The following SHOC1 variants were observed in gnomAD, a reference collection of about 807,000 sequenced individuals.
SHOC1 encodes shortage in chiasmata 1.
A neutral mutation model predicts 179.2 loss-of-function variants in SHOC1; 136 were observed. The ratio of observed to expected loss-of-function variants is 0.76; its 90% confidence interval spans 0.66 to 0.87. SHOC1 has a LOEUF of 0.87. Among genes scored for constraint, SHOC1 ranks in the 40% least tolerant of loss-of-function variants. The probability of loss-of-function intolerance (pLI) is 0.00; values close to 1 mark genes in which losing one functional copy is unlikely to be tolerated. For missense variants in SHOC1, 1,538 were observed against 1,700.8 expected (o/e 0.90, Z 1.68); for synonymous variants, 489 against 586.6 (o/e 0.83, Z 2.41).
rs768796216 is a variant in SHOC1, at chr9:111,756,495, T to C, written c.709-17A>G. ...ACTTGACGGCTGAAAAAACATAGTTTAAAAAAGTTTTTAGAGAGGCTTTCC... is the reference window on the plus strand; with the variant it reads ...ACTTGACGGCTGAAAAAACATAGTTCAAAAAAGTTTTTAGAGAGGCTTTCC... On this transcript the variant is annotated splice_polypyrimidine_tract_variant and intron_variant, in intron 7 of 27. Coordinates refer to ENST00000682961, the MANE Select transcript of SHOC1 (RefSeq NM_001378211.1). The C allele has an allele frequency of 6.3e-7, 1 of 1,578,146 alleles. No individual in the cohort carries two copies. The highest frequency in any genetic ancestry group is 2.0e-5 in the Admixed American group (1 of 49,276).
At chr9:111,695,134 A>G (rs1420037895) in intron 24 of SHOC1, among the ~76,000 whole-genome samples, 4 of 151,718 alleles carry the variant, frequency 2.6e-5, no homozygotes, top group Non-Finnish European at 5.9e-5. Flanking sequence ...TTTCTTCTTC[A>G]TCTTTTAAAT....
chr9:111,761,578 A>T lies in SHOC1; in HGVS notation c.443-2730T>A, dbSNP rs556869886. 3.3e-5 allele frequency among the ~76,000 whole-genome samples: 5 copies of T among 152,342 alleles called. No individual in the cohort carries two copies. The East Asian group carries it at 9.6e-4, about 29-fold the overall frequency. Reference sequence around the variant, plus strand: ...AAACAAGTATTTATCTAATTAAGAAAGAATTTTCTAAGTATAAAAGGAATG... The same window carrying T: ...AAACAAGTATTTATCTAATTAAGAATGAATTTTCTAAGTATAAAAGGAATG... On this transcript the variant is annotated intron_variant, in intron 5 of 27. Coordinates refer to ENST00000682961, the MANE Select transcript of SHOC1 (RefSeq NM_001378211.1).
chr9:111,723,847 C>T lies in SHOC1; in HGVS notation c.1899G>A (p.Leu633=), dbSNP rs891047796. ...ESPIVHINKT[L]EEINQERGTD... ...TTCCCCTTTCCTGATTTATTTCCTC[C>T]AGGGTTTTATTAATATGAACAATAG... is the stretch of plus-strand genomic sequence containing the variant. The change falls in exon 14 of 28, where the codon CTG becomes CTA. Residue 633 remains leucine, a synonymous_variant. Coordinates refer to ENST00000682961, the MANE Select transcript of SHOC1 (RefSeq NM_001378211.1). 3 of 1,607,128 alleles carry T rather than the reference C, an allele frequency of 1.9e-6. No individual in the cohort carries two copies. The highest frequency in any genetic ancestry group is 2.6e-6 in the Non-Finnish European group (3 of 1,174,738).
rs1659196002 is a variant in SHOC1 at position 111,741,493 on chromosome 9, T to C, written c.1157A>G (p.Asn386Ser). ...ATCTTTACCTGTAAGCAAAAATGGGTTCAAAGGGCTTCTACATCTTTCTAA... is the reference window on the plus strand; with the variant it reads ...ATCTTTACCTGTAAGCAAAAATGGGCTCAAAGGGCTTCTACATCTTTCTAA... ...WQLERCRSPLNPFLLTVPRIQ... is the reference protein window; with the variant it reads ...WQLERCRSPLSPFLLTVPRIQ... Residue 386 changes from asparagine (N) to serine (S), a missense_variant, in exon 11 of 28, where the codon AAC (asparagine) becomes AGC (serine). Physicochemically the swap from Asn to Ser is conservative, Grantham distance 46. Transcript: ENST00000682961. 5.6e-6 allele frequency: 9 copies of C among 1,610,540 alleles called. No individual in the cohort carries two copies. The highest frequency in any genetic ancestry group is 6.8e-6 in the Non-Finnish European group (8 of 1,177,360).
In SHOC1 at chr9:111,714,495, C is replaced by A; in HGVS notation, c.2365G>T (p.Glu789Ter). Residue 789 changes from glutamate (E) to a stop codon, truncating the protein, a stop_gained, in exon 17 of 28, where the codon GAA (glutamate) becomes TAA (stop). Transcript: ENST00000682961. LOFTEE classifies it high-confidence loss of function. ...KKPETNYKIQ[E>*]LQCQILSWMQ... ...CAACTTAGTATCTGACATTGCAATT[C>A]TTGTATCTTGTAGTTGGTTTCAGGC... 3 of 1,613,898 alleles carry A rather than the reference C, an allele frequency of 1.9e-6. No individual in the cohort carries two copies. Among genetic ancestry groups the A allele is most frequent in the Non-Finnish European group, 2.5e-6 (3 of 1,179,912 alleles).
At chr9:111,787,846 C>T (rs1455752602) in intron 2 of SHOC1, among the ~76,000 whole-genome samples, 1 of 152,156 alleles carries the variant, frequency 6.6e-6, no homozygotes, top group African/African-American at 2.4e-5. Context: ...TCATTGTTGC[C>T]TTAAGAAATT....
chr9:111,706,774 G>A (rs1832296806), intron 19 of SHOC1, 28 bp from the exon 20 acceptor site: 2 of 1,482,586 alleles, frequency 1.3e-6, no homozygotes, highest in South Asian at 2.7e-5. Flanking sequence ...CCAAGAAAAT[G>A]GCATTATACT....
At chr9:111,758,329 C>T (rs888259716) in intron 6 of SHOC1, 134 bp from the exon 7 acceptor site, 2 of 597,510 alleles carry the variant, frequency 3.3e-6, no homozygotes, top group East Asian at 6.2e-5. Flanking sequence ...GGTGCAGTGG[C>T]TCACGCCTGT....
At chr9:111,704,596 T>C (rs998668014) in intron 21 of SHOC1, among the ~76,000 whole-genome samples, 2 of 152,196 alleles carry the variant, frequency 1.3e-5, no homozygotes, top group African/African-American at 4.8e-5. Context: ...ACAGCCTTAA[T>C]GCATAAAAAC....
At chr9:111,759,514 A>G in intron 5 of SHOC1, 1 of 1,210,750 alleles carries the variant, frequency 8.3e-7, no homozygotes, top group Non-Finnish European at 1.0e-6. Context: ...GGGTTTCTTT[A>G]GAATCTTGGC....
intron 24 of SHOC1, among the ~76,000 whole-genome samples, chr9:111,696,936 T>C (rs1831724157): frequency 6.6e-6 from 1 of 152,210 alleles, no homozygotes; most frequent in Non-Finnish European, 1.5e-5. Flanking sequence ...AACAGATCAT[T>C]TGTTGATTTT....
rs186667565 is a variant in SHOC1 at position 111,697,326 on chromosome 9, T to G, written c.3183+2628A>C. ...CATTTACATTAGGTATATCTCCTAATGCTATCACTCCCACCTCCCGCCACC... is the reference window on the plus strand; with the variant it reads ...CATTTACATTAGGTATATCTCCTAAGGCTATCACTCCCACCTCCCGCCACC... On this transcript the variant is annotated intron_variant, in intron 24 of 27. Coordinates refer to ENST00000682961, the MANE Select transcript of SHOC1 (RefSeq NM_001378211.1). Among the ~76,000 whole-genome samples the G allele has an allele frequency of 2.4e-3, 365 of 152,270 alleles. 1 individual carries two copies. The highest frequency in any genetic ancestry group is 7.9e-3 in the African/African-American group (330 of 41,550).
rs544687014 is a variant in SHOC1, at chr9:111,699,358, G to A, written c.3183+596C>T. Among the ~76,000 whole-genome samples, 9 of 152,272 alleles carry A rather than the reference G, an allele frequency of 5.9e-5. No individual in the cohort carries two copies. The South Asian group carries it at 1.0e-3, about 18-fold the overall frequency. ...TTTGAGGTACTTGTTGGATATTCACGTGGAGATTCCCAGTAGTCTGCTAGA... is the reference window on the plus strand; with the variant it reads ...TTTGAGGTACTTGTTGGATATTCACATGGAGATTCCCAGTAGTCTGCTAGA... On this transcript the variant is annotated intron_variant, in intron 24 of 27. Transcript: ENST00000682961.
At chr9:111,790,520 T>G (rs1335742005) in intron 2 of SHOC1, among the ~76,000 whole-genome samples, 1 of 152,228 alleles carries the variant, frequency 6.6e-6, no homozygotes, top group African/African-American at 2.4e-5. Context: ...ATTGTTTGAT[T>G]ATTTTAATTT....
rs1392090923 is a variant in SHOC1, at chr9:111,730,982, C to T, written c.1418-2933G>A. Among the ~76,000 whole-genome samples, 3 of 152,200 alleles carry T rather than the reference C, an allele frequency of 2.0e-5. No homozygotes were observed. The East Asian group carries it at 5.8e-4, about 29-fold the overall frequency. On this transcript the variant is annotated intron_variant, in intron 12 of 27. Transcript: ENST00000682961. ...TCTACATTTGCACTTGTTGCTTCAC[C>T]TTGTACTTTTATGTTACGGAGATGA...
chr9:111,715,314 A>C (rs910962013), intron 16 of SHOC1, among the ~76,000 whole-genome samples: 1 of 152,214 alleles, frequency 6.6e-6, no homozygotes, highest in African/African-American at 2.4e-5. Context: ...TTGGGTAACA[A>C]ATGAAATAAT....
chr9:111,751,229 T>C (rs1434635133), intron 8 of SHOC1, among the ~76,000 whole-genome samples: 1 of 152,242 alleles, frequency 6.6e-6, no homozygotes, highest in Admixed American at 6.5e-5. Context: ...AGTAACATGC[T>C]GTTTTGGTTA....
Position 111,700,185 on chromosome 9 carries a change from G to T in SHOC1, c.3090-138C>A, listed in dbSNP as rs1831903577. 6.5e-6 allele frequency: 3 copies of T among 461,514 alleles called. No homozygotes were observed. The South Asian group carries it at 1.5e-4, about 23-fold the overall frequency. 28.6% of individuals were successfully genotyped at this position (461,514 alleles called of 1,614,324 possible). ...CAATACTAGTGTGGCAAATTTGTGG[G>T]GTTTTTTTTTCCACTCTGTACTCTT... On this transcript the variant is annotated intron_variant, in intron 23 of 27. Transcript: ENST00000682961.
chr9:111,744,161 G>C (rs760896580), intron 10 of SHOC1, among the ~76,000 whole-genome samples: 10 of 151,838 alleles, frequency 6.6e-5, no homozygotes, highest in Non-Finnish European at 1.0e-4. Context: ...GCTAGTTTCT[G>C]TTTCTAAAAA....
Sources: gnomAD v4.1 joint callset for allele counts (sites outside exome capture counted in the v4.1 genomes callset) on GRCh38, gnomAD v4.1.1 for gene constraint, MANE v1.5 for transcripts, NCBI Gene and HGNC (gene_info 2026-07-23, HGNC 2026-07-21) for gene names.